Variants in COL4A1 observed in about 807,000 individuals in gnomAD.
COL4A1 encodes collagen alpha-1(IV) chain.
A neutral mutation model predicts 216.6 loss-of-function variants in COL4A1; 40 were observed. The observed-to-expected ratio is 0.18, with a 90% CI of 0.14 to 0.24. COL4A1 has a LOEUF of 0.24. COL4A1 is among the 10% of genes least tolerant of loss of function. The pLI, the probability that COL4A1 is intolerant of heterozygous loss-of-function variation, is 1.00. For synonymous variants in COL4A1, 839 were observed against 810.7 expected (o/e 1.03, Z -0.59); for missense variants, 1,628 against 2,196.8 (o/e 0.74, Z 5.18).
At chr13:110,196,471 T>C (rs1243314332) in intron 21 of COL4A1, among the ~76,000 whole-genome samples, 2 of 152,204 alleles carry the variant, frequency 1.3e-5, no homozygotes, top group African/African-American at 2.4e-5. Context: ...TCCTTGACTC[T>C]AGAAATGTAT....
At chr13:110,202,760 T>C (rs969529204) in intron 18 of COL4A1, among the ~76,000 whole-genome samples, 1 of 152,246 alleles carries the variant, frequency 6.6e-6, no homozygotes, top group African/African-American at 2.4e-5. Context: ...TGCCCATTTT[T>C]AAATGTCACA....
intron 1 of COL4A1, among the ~76,000 whole-genome samples, chr13:110,244,168 T>C (rs1459702746): frequency 6.6e-6 from 1 of 152,208 alleles, no homozygotes; most frequent in Non-Finnish European, 1.5e-5. Context: ...AAAGTGTATA[T>C]TTTTAACAAC....
chr13:110,304,823 T>C (rs1480409457), intron 1 of COL4A1, among the ~76,000 whole-genome samples: 1 of 152,182 alleles, frequency 6.6e-6, no homozygotes, highest in Non-Finnish European at 1.5e-5. Flanking sequence ...CAAATGCAGG[T>C]GAAGTGTGAT....
chr13:110,155,057 C>T (rs1876710967), intron 50 of COL4A1, among the ~76,000 whole-genome samples: 1 of 152,222 alleles, frequency 6.6e-6, no homozygotes, highest in Admixed American at 6.5e-5. Context: ...GCTACCTTGG[C>T]TGTGAGCAGG....
At chr13:110,306,851 G>A (rs1270496365) in intron 1 of COL4A1, 93 bp downstream of exon 1, 3 of 1,202,894 alleles carry the variant, frequency 2.5e-6, no homozygotes, top group African/African-American at 3.2e-5. Flanking sequence ...CCCCCGAGGG[G>A]CAGGCGGACG....
chr13:110,249,170 T>A (rs1354463467), intron 1 of COL4A1, among the ~76,000 whole-genome samples: 2 of 151,994 alleles, frequency 1.3e-5, no homozygotes, highest in African/African-American at 4.8e-5. Context: ...GTCAGAATTG[T>A]GATGACCTTC....
At chr13:110,277,012 C>T (rs1883456807) in intron 1 of COL4A1, among the ~76,000 whole-genome samples, 1 of 152,212 alleles carries the variant, frequency 6.6e-6, no homozygotes, top group Non-Finnish European at 1.5e-5. Flanking sequence ...TGTGCGTTTT[C>T]TCACAAAGCT....
intron 1 of COL4A1, among the ~76,000 whole-genome samples, chr13:110,288,100 CAA>C (rs60924677): frequency 1.1e-4 from 15 of 130,850 alleles, no homozygotes; most frequent in African/African-American, 2.7e-4. Flanking sequence ...ACTAAAAATA[CAA>C]AAAAAAAAAA....
At chr13:110,263,103 G>T (rs1376001571) in intron 1 of COL4A1, among the ~76,000 whole-genome samples, 1 of 152,186 alleles carries the variant, frequency 6.6e-6, no homozygotes, top group Non-Finnish European at 1.5e-5. Context: ...CTCCCACGCA[G>T]CAGAAAGCAG....
intron 1 of COL4A1, among the ~76,000 whole-genome samples, chr13:110,272,664 G>A (rs931915975): frequency 4.6e-5 from 7 of 152,238 alleles, no homozygotes; most frequent in East Asian, 1.9e-4. Flanking sequence ...GAAGAAAGCC[G>A]GGAAGGCCAG....
chr13:110,192,094 ACACTTACCAGCTCC>A, intron 24 of COL4A1, 106 bp downstream of exon 24: 1 of 1,032,808 alleles, frequency 9.7e-7, no homozygotes, highest in South Asian at 1.3e-5. Flanking sequence ...CGACACAGCA[ACACTTACCAGCTCC>A]CACACAAGGC....
intron 1 of COL4A1, among the ~76,000 whole-genome samples, chr13:110,281,197 G>A (rs1216203739): frequency 6.6e-6 from 1 of 152,164 alleles, no homozygotes; most frequent in African/African-American, 2.4e-5. Flanking sequence ...GATAACAGCT[G>A]TAAGGAGCAA....
intron 26 of COL4A1, among the ~76,000 whole-genome samples, chr13:110,185,736 T>G (rs754119204): frequency 6.6e-6 from 1 of 152,030 alleles, no homozygotes; most frequent in Non-Finnish European, 1.5e-5. Context: ...GCCCTGAAAA[T>G]AAGCAAGTCG....
intron 22 of COL4A1, 110 bp downstream of exon 22, chr13:110,194,911 ACC>A: frequency 3.7e-6 from 3 of 802,280 alleles, no homozygotes. Context: ...AATAAAAGGA[ACC>A]TACGCCCTAA....
chr13:110,185,948 G>A (rs189196513), intron 26 of COL4A1, among the ~76,000 whole-genome samples: 14 of 152,308 alleles, frequency 9.2e-5, no homozygotes, highest in Admixed American at 6.5e-4. Flanking sequence ...AATCGTCATC[G>A]CGCTGTAGGA....
At chr13:110,185,333 A>T (rs760779260) in intron 26 of COL4A1, among the ~76,000 whole-genome samples, 1 of 151,862 alleles carries the variant, frequency 6.6e-6, no homozygotes, top group Non-Finnish European at 1.5e-5. Flanking sequence ...TTTAGTAGAG[A>T]TGGGGTTTCA....
intron 1 of COL4A1, among the ~76,000 whole-genome samples, chr13:110,289,623 T>G (rs191679941): frequency 5.9e-5 from 9 of 152,166 alleles, no homozygotes; most frequent in African/African-American, 1.9e-4. Context: ...TCACAGAATA[T>G]GTAAAGAGTT....
At chr13:110,279,778 T>C (rs1005101962) in intron 1 of COL4A1, among the ~76,000 whole-genome samples, 3 of 152,222 alleles carry the variant, frequency 2.0e-5, no homozygotes, top group Admixed American at 6.5e-5. Flanking sequence ...TCACAGTATT[T>C]TCTTTCATTC....
Position 110,238,875 on chromosome 13 carries a change from A to G in COL4A1, c.144+3800T>C, listed in dbSNP as rs553910930. 5.9e-5 allele frequency among the ~76,000 whole-genome samples: 9 copies of G among 152,310 alleles called. No homozygotes were observed. In the East Asian group the frequency reaches 1.3e-3, roughly 23 times the overall value. On this transcript the variant is annotated intron_variant, in intron 2 of 51. Transcript: ENST00000375820. ...TTTCCTACTATCTTAAATACTTGAG[A>G]AAATCAAATTATCACTCAAAAGAAG...
Sources: gnomAD v4.1 joint callset for allele counts (sites outside exome capture counted in the v4.1 genomes callset) on GRCh38, gnomAD v4.1.1 for gene constraint, MANE v1.5 for transcripts, NCBI Gene and HGNC (gene_info 2026-07-23, HGNC 2026-07-21) for gene names.